Variants in ACTL8 observed in about 807,000 individuals in gnomAD.
ACTL8 encodes actin like 8, also known as actin-like protein 8.
ACTL8 carries 3 observed loss-of-function variants against 9.3 expected under a neutral mutation model. That is an observed-to-expected ratio of 0.32 (90% CI 0.15 to 0.83). The LOEUF (loss-of-function observed/expected upper bound fraction) is 0.83. Ranked by LOEUF, ACTL8 falls within the 40% of genes least tolerant of loss-of-function variation. The pLI, the probability that ACTL8 is intolerant of heterozygous loss-of-function variation, is 0.57. For synonymous variants in ACTL8, 224 were observed against 205.9 expected (o/e 1.09, Z -0.75); for missense variants, 381 against 492.2 (o/e 0.77, Z 2.14).
chr1:17,794,742 T>C (rs2066265308), intron 1 of ACTL8, among the ~76,000 whole-genome samples: 1 of 152,214 alleles, frequency 6.6e-6, no homozygotes, highest in Admixed American at 6.5e-5. Context: ...AATGTTGCCA[T>C]CAGAGGGGAA....
intron 1 of ACTL8, 96 bp from the exon 2 acceptor site, chr1:17,822,889 A>AG (rs1028032909): frequency 3.8e-6 from 3 of 787,502 alleles, no homozygotes; most frequent in Non-Finnish European, 6.0e-6. Flanking sequence ...GACAAGCTTC[A>AG]GGGGGAGCCT....
chr1:17,795,447 T>C (rs1027312251), intron 1 of ACTL8, among the ~76,000 whole-genome samples: 1 of 152,230 alleles, frequency 6.6e-6, no homozygotes, highest in Non-Finnish European at 1.5e-5. Flanking sequence ...TAAATAAGAA[T>C]GTAGTAAAAT....
intron 1 of ACTL8, among the ~76,000 whole-genome samples, chr1:17,814,352 A>G (rs1211162371): frequency 1.3e-5 from 2 of 152,238 alleles, no homozygotes; most frequent in Non-Finnish European, 2.9e-5. Flanking sequence ...AAAACAATAC[A>G]TACAATTATA....
chr1:17,796,464 C>T (rs571803372), intron 1 of ACTL8, among the ~76,000 whole-genome samples: 3 of 152,102 alleles, frequency 2.0e-5, no homozygotes, highest in African/African-American at 7.2e-5. Context: ...CCCAAGAGGT[C>T]GGCATCACGC....
At chr1:17,820,279 C>G (rs2053645367) in intron 1 of ACTL8, among the ~76,000 whole-genome samples, 1 of 152,068 alleles carries the variant, frequency 6.6e-6, no homozygotes, top group Non-Finnish European at 1.5e-5. Context: ...TGGGGTCTGG[C>G]TTCTTTCAGC....
Position 17,826,092 on chromosome 1 carries a change from G to C in ACTL8, c.674G>C (p.Arg225Pro). ...PQNLGEALDF[R>P]ERQQSALDES... is the part of the protein sequence containing the mutation. ...AATCTGGGGGAGGCCCTGGACTTTC[G>C]TGAGAGGCAGCAGAGTGCCTTGGAT... is the stretch of plus-strand genomic sequence containing the variant. Residue 225 changes from arginine (R) to proline (P), a missense_variant, in exon 3 of 3, where the codon CGT (arginine) becomes CCT (proline). Around this residue, in one of 3 missense-constraint regions of ACTL8, gnomAD observed 243 missense variants for 276.2 expected, o/e 0.88. Coordinates refer to ENST00000375406, the MANE Select transcript of ACTL8 (RefSeq NM_030812.3). This position sits in a 1 kb window ranked among gnomAD's most constrained non-coding sequence, Gnocchi z 4.5. 1 of 1,608,818 alleles carries C rather than the reference G, an allele frequency of 6.2e-7. No homozygotes were observed.
intron 1 of ACTL8, among the ~76,000 whole-genome samples, chr1:17,799,726 T>G (rs12034242): frequency 9.2e-5 from 14 of 152,312 alleles, no homozygotes; most frequent in Non-Finnish European, 1.5e-4. Context: ...AGTTTTACTT[T>G]ATAAATTTAG....
chr1:17,823,381 C>A lies in ACTL8; in HGVS notation c.348+25C>A. ...GGTGAGGCCTGCCGGGGCCTGCTCC[C>A]ACTCGGGAGCGGGAAACAGACTGAC... On this transcript the variant is annotated intron_variant, in intron 2 of 2. Transcript: ENST00000375406. This position sits in a 1 kb window ranked among gnomAD's most constrained non-coding sequence, Gnocchi z 5.3. 6.3e-7 allele frequency: 1 copy of A among 1,589,100 alleles called. No homozygotes were observed.
In ACTL8 at chr1:17,803,207, C is replaced by G. The variant is rs111263896; in HGVS notation, c.-24-19778C>G. Among the ~76,000 whole-genome samples the G allele has an allele frequency of 3.7e-4, 56 of 151,564 alleles. 2 individuals carry two copies. The South Asian group carries it at 7.3e-3, about 20-fold the overall frequency. On this transcript the variant is annotated intron_variant, in intron 1 of 2. Coordinates refer to ENST00000375406, the MANE Select transcript of ACTL8 (RefSeq NM_030812.3). ...GTTTTATAAGGGGTTTCCCGCCCCCCCTTTTGCTCGGCACTTCTCCTTGCT... is the reference window on the plus strand; with the variant it reads ...GTTTTATAAGGGGTTTCCCGCCCCCGCTTTTGCTCGGCACTTCTCCTTGCT...
chr1:17,817,523 G>A (rs959322983), intron 1 of ACTL8, among the ~76,000 whole-genome samples: 12 of 151,762 alleles, frequency 7.9e-5, no homozygotes, highest in Admixed American at 3.3e-4. Context: ...GCTCGGTCCC[G>A]GGACACTGTT....
At chr1:17,824,344 C>G (rs1401726264) in intron 2 of ACTL8, among the ~76,000 whole-genome samples, 1 of 152,188 alleles carries the variant, frequency 6.6e-6, no homozygotes, top group African/African-American at 2.4e-5. Flanking sequence ...GAAAAAAGAA[C>G]ATATGCTCAT....
At chr1:17,790,775 G>A (rs978124789) in intron 1 of ACTL8, among the ~76,000 whole-genome samples, 1 of 152,194 alleles carries the variant, frequency 6.6e-6, no homozygotes, top group African/African-American at 2.4e-5. Flanking sequence ...GGTGCCAAGG[G>A]GCACCTGCAG....
At chr1:17,813,458 T>C (rs1469926378) in intron 1 of ACTL8, among the ~76,000 whole-genome samples, 1 of 152,248 alleles carries the variant, frequency 6.6e-6, no homozygotes, top group Admixed American at 6.5e-5. Context: ...ATTGAACCAG[T>C]GTTGCATTCC....
intron 1 of ACTL8, among the ~76,000 whole-genome samples, chr1:17,787,390 A>C (rs375846383): frequency 4.6e-5 from 7 of 152,224 alleles, no homozygotes; most frequent in African/African-American, 1.7e-4. Flanking sequence ...CAGCCTCCCA[A>C]GTAGCTGAGA....
intron 1 of ACTL8, among the ~76,000 whole-genome samples, chr1:17,822,025 G>T (rs1274563275): frequency 2.0e-5 from 3 of 152,164 alleles, no homozygotes; most frequent in African/African-American, 7.2e-5. Flanking sequence ...CTTTTCAGCA[G>T]GGGGGCTGCT....
intron 1 of ACTL8, among the ~76,000 whole-genome samples, chr1:17,800,888 C>T (rs901395581): frequency 1.6e-4 from 24 of 152,054 alleles, no homozygotes; most frequent in African/African-American, 4.1e-4. Flanking sequence ...CCACTGTGCC[C>T]GGCCACCTTG....
intron 1 of ACTL8, among the ~76,000 whole-genome samples, chr1:17,789,401 A>G (rs1469735272): frequency 1.3e-5 from 2 of 152,166 alleles, no homozygotes; most frequent in African/African-American, 4.8e-5. Flanking sequence ...CTTGCATGTT[A>G]TTCTAGCCCC....
At chr1:17,785,626 G>A (rs992895792) in intron 1 of ACTL8, among the ~76,000 whole-genome samples, 1 of 152,132 alleles carries the variant, frequency 6.6e-6, no homozygotes, top group African/African-American at 2.4e-5. Flanking sequence ...AGGGTCCTTT[G>A]CCCTAACTCA....
chr1:17,807,578 A>G (rs1359867288), intron 1 of ACTL8, among the ~76,000 whole-genome samples: 1 of 152,214 alleles, frequency 6.6e-6, no homozygotes, highest in Non-Finnish European at 1.5e-5. Flanking sequence ...ACAATAGCAA[A>G]GACTTGGAAC....
Sources: allele counts gnomAD v4.1 joint callset (sites outside exome capture counted in the v4.1 genomes callset), GRCh38; gene constraint gnomAD v4.1.1; regional missense constraint gnomAD v4.1.1; non-coding constraint Gnocchi (gnomAD v3.1); transcripts MANE v1.5; gene names NCBI Gene and HGNC (gene_info 2026-07-23, HGNC 2026-07-21).